FAM13A: variants seen among roughly 807,000 people sequenced by gnomAD.
FAM13A encodes the protein protein FAM13A.
A neutral mutation model predicts 129.6 loss-of-function variants in FAM13A; 76 were observed. The ratio of observed to expected loss-of-function variants is 0.59; its 90% CI spans 0.49 to 0.71. The LOEUF (loss-of-function observed/expected upper bound fraction) is 0.71. FAM13A is among the 30% of genes least tolerant of loss of function. The probability of loss-of-function intolerance (pLI) is 0.00; values close to 1 mark genes in which losing one functional copy is unlikely to be tolerated. For synonymous variants in FAM13A, 443 were observed against 449.9 expected, an observed-to-expected ratio of 0.98 and a Z score of 0.20; for missense variants, 1,108 against 1,249.3, an observed-to-expected ratio of 0.89 and a Z score of 1.70.
At chr4:89,011,419 T>C (rs1765720004) in intron 3 of FAM13A, among the ~76,000 whole-genome samples, 2 of 152,224 alleles carry the variant, frequency 1.3e-5, no homozygotes, top group Admixed American at 6.5e-5. Context: ...ATTTATCTGA[T>C]ACAGATGGTT....
chr4:88,797,935 C>A (rs750359862), intron 8 of FAM13A, among the ~76,000 whole-genome samples: 3 of 152,184 alleles, frequency 2.0e-5, no homozygotes, highest in Non-Finnish European at 4.4e-5. Flanking sequence ...TGAGGCAGAT[C>A]ATCCTTTCCC....
rs182152510 is a variant in FAM13A at position 88,858,050 on chromosome 4, C to T, written c.844-6867G>A. ...AAAATCTGCCACTTAAAAATAGTTA[C>T]GGTACAGAGATCACAAGAATCTGAA... On this transcript the variant is annotated intron_variant, in intron 6 of 23. Coordinates refer to ENST00000264344, the MANE Select transcript of FAM13A (RefSeq NM_014883.4). 3.2e-3 allele frequency among the ~76,000 whole-genome samples: 493 copies of T among 152,208 alleles called. 6 individuals are homozygous for T. The highest frequency in any genetic ancestry group is 3.7e-3 in the Non-Finnish European group (253 of 68,012).
chr4:89,044,926 G>A lies in FAM13A; in HGVS notation c.27+12012C>T, dbSNP rs561811684. Among the ~76,000 whole-genome samples, 3 of 152,028 alleles carry A rather than the reference G, an allele frequency of 2.0e-5. No individual in the cohort carries two copies. In the East Asian group the frequency reaches 5.8e-4, roughly 29 times the overall value. ...GGCTACCAGGGGCTGGGAGGTGGGA[G>A]AAATAGGAAGTTATTGTTTTATGGT... On this transcript the variant is annotated intron_variant, in intron 1 of 23. Transcript: ENST00000264344.
chr4:89,054,690 A>G (rs766107384), intron 1 of FAM13A, among the ~76,000 whole-genome samples: 48 of 152,168 alleles, frequency 3.2e-4, no homozygotes, highest in Non-Finnish European at 6.3e-4. Context: ...CTCATCAAAT[A>G]ACCATGAAAA....
chr4:88,837,849 AT>A (rs1223527570), intron 7 of FAM13A, among the ~76,000 whole-genome samples: 1 of 152,138 alleles, frequency 6.6e-6, no homozygotes, highest in African/African-American at 2.4e-5. Context: ...TATAGCCCAC[AT>A]AAATGAAATT....
At chr4:88,810,006 T>G (rs531352944) in intron 7 of FAM13A, among the ~76,000 whole-genome samples, 1 of 152,198 alleles carries the variant, frequency 6.6e-6, no homozygotes, top group South Asian at 2.1e-4. Context: ...TATAGTTTTA[T>G]TATTTGCACT....
chr4:88,743,760 C>A (rs1423615726), intron 19 of FAM13A, among the ~76,000 whole-genome samples: 9 of 152,184 alleles, frequency 5.9e-5, no homozygotes, highest in Non-Finnish European at 1.3e-4. Context: ...GCCTTCCAAG[C>A]TGAGAGTTTG....
intron 5 of FAM13A, among the ~76,000 whole-genome samples, chr4:88,925,817 C>G (rs1010103109): frequency 4.6e-5 from 7 of 151,594 alleles, no homozygotes; most frequent in African/African-American, 1.7e-4. Flanking sequence ...AAAACCCCAA[C>G]TTATCCAAGG....
At chr4:88,936,587 C>T (rs1753879653) in intron 5 of FAM13A, 1 of 153,126 alleles carries the variant, frequency 6.5e-6, no homozygotes, top group African/African-American at 2.4e-5. Context: ...ACACCAGGGA[C>T]TGCGTTTCAA....
intron 1 of FAM13A, among the ~76,000 whole-genome samples, chr4:89,031,179 TC>T (rs1009008403): frequency 2.6e-5 from 4 of 152,148 alleles, no homozygotes; most frequent in African/African-American, 9.7e-5. Flanking sequence ...TATAAATGTA[TC>T]AATCTCCTTC....
chr4:88,747,642 C>G lies in FAM13A; in HGVS notation c.2371G>C (p.Glu791Gln). Residue 791 changes from glutamate (E) to glutamine (Q), a missense_variant, in exon 18 of 24, where the codon GAG (glutamate) becomes CAG (glutamine). Around this residue, in one of 3 missense-constraint regions of FAM13A, gnomAD observed 529 missense variants for 621.2 expected, o/e 0.85. Transcript: ENST00000264344. ...QEKRAESSRP[E>Q]DIKDMTKDQI... ...CAGAATGATCGCACCTTAATGTCCT[C>G]AGGGCGGCTGCTTTCCGCTCGCTTC... 6.2e-7 allele frequency: 1 copy of G among 1,614,116 alleles called. No individual in the cohort carries two copies. Among genetic ancestry groups the G allele is most frequent in the South Asian group, 1.1e-5 (1 of 91,078 alleles).
At chr4:88,798,040 A>G (rs1578705199) in intron 8 of FAM13A, among the ~76,000 whole-genome samples, 2 of 152,322 alleles carry the variant, frequency 1.3e-5, no homozygotes, top group East Asian at 3.9e-4. Context: ...ACCAGTTCCA[A>G]CAACCTGGGA....
intron 4 of FAM13A, among the ~76,000 whole-genome samples, chr4:88,978,506 C>T (rs562179221): frequency 6.6e-6 from 1 of 152,244 alleles, no homozygotes; most frequent in South Asian, 2.1e-4. Context: ...TTAAAAAGCA[C>T]AATTAAGGCT....
Position 88,885,809 on chromosome 4 carries a change from A to C in FAM13A, c.843+20570T>G, listed in dbSNP as rs1321295392. ...TATACAAGGATCCAAACAAATTAGC[A>C]AAAAAAAAAAAAAATCACACAATCC... is the stretch of plus-strand genomic sequence containing the variant. On this transcript the variant is annotated intron_variant, in intron 6 of 23. Coordinates refer to ENST00000264344, the MANE Select transcript of FAM13A (RefSeq NM_014883.4). Among the ~76,000 whole-genome samples the C allele has an allele frequency of 1.2e-4, 8 of 66,924 alleles. No homozygotes were observed. In the East Asian group the frequency reaches 2.1e-3, roughly 18 times the overall value. The allele number at this position is 66,924 out of a possible 152,430, so 43.9% of individuals were successfully genotyped here. A position where few individuals can be genotyped will look rare whatever the true frequency, so the allele number is the denominator to read the frequency against.
At chr4:89,039,381 T>C (rs556470083) in intron 1 of FAM13A, among the ~76,000 whole-genome samples, 5 of 152,284 alleles carry the variant, frequency 3.3e-5, no homozygotes, top group African/African-American at 1.2e-4. Context: ...ATTCACACAA[T>C]GCATAACACA....
intron 12 of FAM13A, 118 bp downstream of exon 12, chr4:88,767,865 G>A: frequency 1.5e-6 from 1 of 678,076 alleles, no homozygotes; most frequent in Non-Finnish European, 2.5e-6. Context: ...AAATATTGCT[G>A]GTAAATATAT....
Position 88,965,091 on chromosome 4 carries a change from A to G in FAM13A, c.605+25882T>C, listed in dbSNP as rs1229351994. Among the ~76,000 whole-genome samples the G allele has an allele frequency of 2.0e-5, 3 of 152,216 alleles. No individual in the cohort carries two copies. The East Asian group carries it at 5.8e-4, about 29-fold the overall frequency. ...GTCTTCTTTCCTTTTATAATTGAAC[A>G]GGCAAGACTAAGGCAAGACCTTACC... On this transcript the variant is annotated intron_variant, in intron 4 of 23. Transcript: ENST00000264344.
At chr4:88,935,621 G>T (rs1331266522) in intron 5 of FAM13A, among the ~76,000 whole-genome samples, 2 of 151,850 alleles carry the variant, frequency 1.3e-5, no homozygotes, top group East Asian at 3.9e-4. Flanking sequence ...TATATTAATA[G>T]TTTCATTCTG....
intron 5 of FAM13A, among the ~76,000 whole-genome samples, chr4:88,919,598 G>T (rs1343608887): frequency 6.6e-6 from 1 of 152,186 alleles, no homozygotes; most frequent in Non-Finnish European, 1.5e-5. Context: ...CAGCTCCAGT[G>T]TACAGCTCCC....
Sources: gnomAD v4.1 joint callset for allele counts (sites outside exome capture counted in the v4.1 genomes callset) on GRCh38, gnomAD v4.1.1 for gene constraint, gnomAD v4.1.1 regional missense constraint, MANE v1.5 for transcripts, NCBI Gene and HGNC (gene_info 2026-07-23, HGNC 2026-07-21) for gene names.